Variants in EXOC1 observed in about 807,000 individuals in gnomAD.
EXOC1 encodes SEC3-like 1.
In EXOC1, 67 loss-of-function variants were observed where a neutral mutation model predicts 107.7. The ratio of observed to expected loss-of-function variants is 0.62; its 90% CI spans 0.51 to 0.76. The LOEUF (loss-of-function observed/expected upper bound fraction) is 0.76. Ranked by LOEUF, EXOC1 falls within the 30% of genes least tolerant of loss-of-function variation. The pLI is 0.00. For missense variants in EXOC1, 833 were observed against 1,055.7 expected (o/e 0.79, Z 2.92); for synonymous variants, 348 against 353.5 (o/e 0.98, Z 0.17).
intron 15 of EXOC1, 111 bp from the exon 16 acceptor site, chr4:55,896,606 C>T (rs1725236249): frequency 1.2e-6 from 1 of 805,040 alleles, no homozygotes; most frequent in Non-Finnish European, 1.8e-6. Flanking sequence ...TATCCTGCCT[C>T]TATGATATCT....
intron 17 of EXOC1, among the ~76,000 whole-genome samples, chr4:55,901,575 A>T (rs772854429): frequency 2.6e-5 from 4 of 152,084 alleles, no homozygotes; most frequent in Non-Finnish European, 4.4e-5. Flanking sequence ...AAGCACTAAG[A>T]CCCCAATTTA....
chr4:55,876,909 G>A, intron 8 of EXOC1: 1 of 985,244 alleles, frequency 1.0e-6, no homozygotes. Flanking sequence ...GAAGGGACAT[G>A]GATAATGATG....
At chr4:55,880,445 T>C (rs1366541553) in intron 9 of EXOC1, among the ~76,000 whole-genome samples, 1 of 152,170 alleles carries the variant, frequency 6.6e-6, no homozygotes. Context: ...TCTTTTGTCT[T>C]GTTTTCATTC....
At chr4:55,897,444 A>G (rs1434325764) in intron 16 of EXOC1, among the ~76,000 whole-genome samples, 2 of 152,170 alleles carry the variant, frequency 1.3e-5, no homozygotes, top group East Asian at 3.8e-4. Context: ...AGTTTTTCAT[A>G]TCTACTATAC....
intron 10 of EXOC1, among the ~76,000 whole-genome samples, chr4:55,887,618 A>G (rs768436571): frequency 1.3e-5 from 2 of 151,808 alleles, no homozygotes; most frequent in African/African-American, 4.8e-5. Context: ...CTAGTCAGGC[A>G]TGGTGATCCA....
intron 1 of EXOC1, among the ~76,000 whole-genome samples, chr4:55,856,836 T>C (rs1721013724): frequency 6.6e-6 from 1 of 152,228 alleles, no homozygotes; most frequent in Non-Finnish European, 1.5e-5. Flanking sequence ...TTATGTATCA[T>C]AAAATTTACC....
intron 10 of EXOC1, chr4:55,885,542 T>A (rs893921155): frequency 6.6e-6 from 1 of 152,164 alleles, no homozygotes; most frequent in African/African-American, 2.4e-5. Context: ...ATGTGTCTAT[T>A]AAATAGCAAG....
intron 15 of EXOC1, among the ~76,000 whole-genome samples, chr4:55,894,784 T>TG (rs1286624064): frequency 6.6e-6 from 1 of 151,812 alleles, no homozygotes; most frequent in Non-Finnish European, 1.5e-5. Context: ...CACCACGCCC[T>TG]GCTAGTTTTG....
intron 1 of EXOC1, among the ~76,000 whole-genome samples, chr4:55,857,793 C>G (rs1467992998): frequency 6.6e-6 from 1 of 152,132 alleles, no homozygotes; most frequent in Admixed American, 6.5e-5. Flanking sequence ...CTTGTTACAC[C>G]AACACTTGTT....
At chr4:55,860,681 A>G (rs1217938933) in intron 3 of EXOC1, 140 bp downstream of exon 3, 6 of 967,922 alleles carry the variant, frequency 6.2e-6, no homozygotes, top group Admixed American at 2.9e-5. Flanking sequence ...TTTAAGCTAT[A>G]ATTATGTTTG....
intron 3 of EXOC1, among the ~76,000 whole-genome samples, chr4:55,862,584 T>C (rs1721580021): frequency 6.6e-6 from 1 of 152,212 alleles, no homozygotes; most frequent in Admixed American, 6.5e-5. Context: ...CTTTTCATTG[T>C]ATATGCAGGT....
intron 9 of EXOC1, among the ~76,000 whole-genome samples, chr4:55,881,271 A>C (rs546218736): frequency 2.2e-4 from 34 of 152,270 alleles, no homozygotes; most frequent in African/African-American, 7.9e-4. Flanking sequence ...GAGATGGTCC[A>C]TCCATGCTTG....
intron 10 of EXOC1, among the ~76,000 whole-genome samples, chr4:55,884,844 G>A (rs1723717505): frequency 6.6e-6 from 1 of 152,140 alleles, no homozygotes; most frequent in African/African-American, 2.4e-5. Flanking sequence ...ATTCTTTTCT[G>A]TAGGACAGAG....
chr4:55,873,416 C>T (rs566120715), intron 8 of EXOC1, among the ~76,000 whole-genome samples: 1 of 152,254 alleles, frequency 6.6e-6, no homozygotes, highest in East Asian at 1.9e-4. Flanking sequence ...ACTTCAATAA[C>T]ATCTATTTCT....
chr4:55,876,093 A>G, intron 8 of EXOC1: 2 of 985,074 alleles, frequency 2.0e-6, no homozygotes, highest in Non-Finnish European at 2.4e-6. Flanking sequence ...ATAGAAATAG[A>G]TAATAGTCCA....
chr4:55,888,510 G>T (rs1724143050), intron 10 of EXOC1, among the ~76,000 whole-genome samples: 2 of 151,516 alleles, frequency 1.3e-5, no homozygotes, highest in South Asian at 4.2e-4. Context: ...CTAATAAATT[G>T]CCACTTTATT....
intron 8 of EXOC1, chr4:55,877,547 G>C: frequency 1.0e-6 from 1 of 985,202 alleles, no homozygotes; most frequent in Non-Finnish European, 1.2e-6. Context: ...TTCTCTATTT[G>C]TGTTTCTTAA....
At chr4:55,859,761 T>C (rs1721306644) in intron 2 of EXOC1, among the ~76,000 whole-genome samples, 1 of 152,224 alleles carries the variant, frequency 6.6e-6, no homozygotes, top group African/African-American at 2.4e-5. Context: ...TGAATGGGAG[T>C]TGAATTTTAT....
At chr4:55,885,479 TAA>T (rs1423032585) in intron 10 of EXOC1, 1 of 152,182 alleles carries the variant, frequency 6.6e-6, no homozygotes, top group Admixed American at 6.5e-5. Context: ...TAATACAGGT[TAA>T]AAGGTAGTTT....
Sources: gnomAD v4.1 joint callset for allele counts (sites outside exome capture counted in the v4.1 genomes callset) on GRCh38, gnomAD v4.1.1 for gene constraint, MANE v1.5 for transcripts, NCBI Gene and HGNC (gene_info 2026-07-23, HGNC 2026-07-21) for gene names.